The following CECR2 variants were observed in gnomAD, a reference collection of about 807,000 sequenced individuals.
CECR2 encodes chromatin remodeling regulator CECR2.
CECR2 carries 30 observed loss-of-function variants against 154.5 expected under a neutral mutation model. That is an observed-to-expected ratio of 0.19 (90% CI 0.15 to 0.26). The LOEUF (loss-of-function observed/expected upper bound fraction) is 0.26. Ranked by LOEUF, CECR2 falls within the 10% of genes least tolerant of loss-of-function variation. CECR2 has a pLI of 1.00. For missense variants in CECR2, 1,743 were observed against 1,829.3 expected, an observed-to-expected ratio of 0.95 and a Z score of 0.86; for synonymous variants, 725 against 683.7, an observed-to-expected ratio of 1.06 and a Z score of -0.94.
chr22:17,419,712 A>AGGC, intron 1 of CECR2: 1 of 97,584 alleles, frequency 1.0e-5, no homozygotes, highest in South Asian at 1.9e-4. Flanking sequence ...CTGGAGCTAG[A>AGGC]GAGCTGATGG....
intron 1 of CECR2, among the ~76,000 whole-genome samples, chr22:17,373,237 A>G (rs568129247): frequency 2.0e-4 from 31 of 152,136 alleles, no homozygotes; most frequent in Admixed American, 3.9e-4. Context: ...TAATTTTTGT[A>G]TTATAAAAAA....
chr22:17,472,079 T>C (rs2055136888), intron 1 of CECR2, among the ~76,000 whole-genome samples: 1 of 152,138 alleles, frequency 6.6e-6, no homozygotes, highest in Non-Finnish European at 1.5e-5. Flanking sequence ...AGCTGTTTGA[T>C]GCAAGGCTGA....
At chr22:17,471,246 C>A (rs2055122032) in intron 1 of CECR2, among the ~76,000 whole-genome samples, 1 of 152,154 alleles carries the variant, frequency 6.6e-6, no homozygotes, top group African/African-American at 2.4e-5. Flanking sequence ...GCGATGAAGT[C>A]CAGATGATTC....
chr22:17,515,603 T>A (rs1028742958), intron 8 of CECR2, among the ~76,000 whole-genome samples: 2 of 152,230 alleles, frequency 1.3e-5, no homozygotes, highest in Non-Finnish European at 2.9e-5. Context: ...GATACCCAGA[T>A]TTAAGCGTGT....
At chr22:17,463,569 T>G (rs373055516) in intron 1 of CECR2, among the ~76,000 whole-genome samples, 17 of 152,284 alleles carry the variant, frequency 1.1e-4, no homozygotes, top group African/African-American at 4.1e-4. Flanking sequence ...CAAGGATGCC[T>G]CAATTTTTTG....
At chr22:17,427,901 C>A (rs1344868138) in intron 1 of CECR2, among the ~76,000 whole-genome samples, 3 of 152,350 alleles carry the variant, frequency 2.0e-5, no homozygotes, top group African/African-American at 7.2e-5. Flanking sequence ...GAAATCGCCA[C>A]ACTGTCTTCC....
At chr22:17,524,615 A>C (rs1434041889) in intron 9 of CECR2, among the ~76,000 whole-genome samples, 1 of 135,254 alleles carries the variant, frequency 7.4e-6, no homozygotes, top group Non-Finnish European at 1.5e-5. Context: ...GATGGTCTCG[A>C]TATCTTGACC....
intron 1 of CECR2, among the ~76,000 whole-genome samples, chr22:17,401,834 C>CT (rs1400043423): frequency 7.1e-6 from 1 of 140,866 alleles, no homozygotes. Flanking sequence ...TAACACCCCC[C>CT]CCCGCCCCCG....
chr22:17,487,400 G>A (rs545859002), intron 2 of CECR2, among the ~76,000 whole-genome samples: 11 of 152,258 alleles, frequency 7.2e-5, no homozygotes, highest in South Asian at 4.1e-4. Context: ...TTTAAGCAGC[G>A]TAAAAATATT....
intron 1 of CECR2, among the ~76,000 whole-genome samples, chr22:17,398,252 T>C (rs1056753776): frequency 5.9e-5 from 9 of 151,592 alleles, no homozygotes; most frequent in African/African-American, 2.2e-4. Context: ...AGAGGGAGCG[T>C]TGGGCCCAAG....
chr22:17,436,548 T>G (rs2054510143), intron 1 of CECR2, among the ~76,000 whole-genome samples: 1 of 152,232 alleles, frequency 6.6e-6, no homozygotes, highest in African/African-American at 2.4e-5. Flanking sequence ...TGTGGGAAAC[T>G]GCTTTTGTAC....
intron 1 of CECR2, among the ~76,000 whole-genome samples, chr22:17,403,532 G>C (rs1406057506): frequency 1.3e-5 from 2 of 152,052 alleles, no homozygotes; most frequent in Admixed American, 6.6e-5. Context: ...GTGAATAAGG[G>C]GCTCTAGTTT....
At position 17,534,547 on chromosome 22, in the gene CECR2, G is replaced by T. The variant is rs899837102; in HGVS notation, c.1109-2556G>T. 2.0e-5 allele frequency among the ~76,000 whole-genome samples: 3 copies of T among 151,444 alleles called. No homozygotes were observed. In the East Asian group the frequency reaches 5.9e-4, roughly 30 times the overall value. ...TTTTGAGACGGAGTCTCACTCTGTC[G>T]CCCAGGCTGGAGTGCAGTGGCACAA... On this transcript the variant is annotated intron_variant, in intron 9 of 18. Transcript: ENST00000262608.
At chr22:17,444,565 A>C (rs548751406) in intron 1 of CECR2, among the ~76,000 whole-genome samples, 32 of 152,220 alleles carry the variant, frequency 2.1e-4, no homozygotes, top group African/African-American at 7.2e-4. Context: ...AGGAGGTTGC[A>C]GTGAGATCAT....
chr22:17,472,261 T>C (rs925853133), intron 1 of CECR2, among the ~76,000 whole-genome samples: 1 of 152,248 alleles, frequency 6.6e-6, no homozygotes, highest in African/African-American at 2.4e-5. Flanking sequence ...GCATGGGGCA[T>C]GCCTTTGGGA....
intron 2 of CECR2, among the ~76,000 whole-genome samples, chr22:17,485,556 C>T (rs1049913029): frequency 6.6e-6 from 1 of 152,150 alleles, no homozygotes; most frequent in Admixed American, 6.6e-5. Context: ...CTCACATGAA[C>T]TCAGGAGTTC....
chr22:17,370,193 G>A (rs1342993085), intron 1 of CECR2, among the ~76,000 whole-genome samples: 12 of 151,126 alleles, frequency 7.9e-5, no homozygotes, highest in East Asian at 5.9e-4. Flanking sequence ...GGGAGCGGGA[G>A]CGGGACCCGG....
rs967651463 is a variant in CECR2, at chr22:17,391,031, G to T, written c.126+21122G>T. Among the ~76,000 whole-genome samples the T allele has an allele frequency of 3.9e-5, 6 of 152,158 alleles. No individual in the cohort carries two copies. In the East Asian group the frequency reaches 5.8e-4, roughly 15 times the overall value. ...AGATGTACCAATTGTTAACACTTTT[G>T]CCACATTGGCTGAACCATTTGAAAG... On this transcript the variant is annotated intron_variant, in intron 1 of 18. Transcript: ENST00000262608.
At chr22:17,489,882 C>CTTTT (rs139768297) in intron 2 of CECR2, among the ~76,000 whole-genome samples, 1 of 140,496 alleles carries the variant, frequency 7.1e-6, no homozygotes, top group African/African-American at 2.6e-5. Flanking sequence ...TTAGCTTGCT[C>CTTTT]TTTTTTTTTT....
Sources: allele counts gnomAD v4.1 joint callset (sites outside exome capture counted in the v4.1 genomes callset), GRCh38; gene constraint gnomAD v4.1.1; transcripts MANE v1.5; gene names NCBI Gene and HGNC (gene_info 2026-07-23, HGNC 2026-07-21).